Variants in LRCOL1 observed in about 807,000 individuals in gnomAD.
LRCOL1 encodes leucine rich colipase like 1, also known as leucine-rich colipase-like protein 1.
LRCOL1 carries 21 observed loss-of-function variants against 21.6 expected under a neutral mutation model. The observed-to-expected ratio is 0.97, with a 90% CI of 0.69 to 1.40. The LOEUF (loss-of-function observed/expected upper bound fraction) is 1.40. Among genes scored for constraint, LRCOL1 ranks in the 40% most tolerant of loss-of-function variants. The pLI is 0.00. For missense variants in LRCOL1, 198 were observed against 202.3 expected, an observed-to-expected ratio of 0.98 and a Z score of 0.13; for synonymous variants, 98 against 90.1, an observed-to-expected ratio of 1.09 and a Z score of -0.49.
chr12:132,607,923 C>G (rs926476724), intron 1 of LRCOL1, among the ~76,000 whole-genome samples: 1 of 150,754 alleles, frequency 6.6e-6, no homozygotes, highest in Admixed American at 6.6e-5. Context: ...CCGTCTGTCT[C>G]TCTCTGTCTC....
At chr12:132,608,951 CA>C (rs1299697562) in intron 1 of LRCOL1, among the ~76,000 whole-genome samples, 2 of 152,194 alleles carry the variant, frequency 1.3e-5, no homozygotes, top group African/African-American at 2.4e-5. Context: ...AGCCCAGGAA[CA>C]GGCAGCTGCC....
Position 132,604,730 on chromosome 12 carries a change from G to A in LRCOL1, c.207C>T (p.Phe69=). The change falls in exon 3 of 6, where the codon TTC becomes TTT. Residue 69 remains phenylalanine, a synonymous_variant. Transcript: ENST00000376608. ...PHTLCTPKTI[F]LQCLPWRKPN... ...CCTTCCTCCAGGGCAGGCACTGCAGGAAGATGGTCTTAGGGGTGCAGAGCG... is the reference window on the plus strand; with the variant it reads ...CCTTCCTCCAGGGCAGGCACTGCAGAAAGATGGTCTTAGGGGTGCAGAGCG... The A allele has an allele frequency of 1.3e-6, 2 of 1,536,230 alleles. No individual in the cohort carries two copies. Among genetic ancestry groups the A allele is most frequent in the Non-Finnish European group, 1.7e-6 (2 of 1,146,924 alleles).
In LRCOL1 at chr12:132,604,690, C is replaced by T. The variant is rs978069217; in HGVS notation, c.231+16G>A. On this transcript the variant is annotated intron_variant, in intron 3 of 5. Coordinates refer to ENST00000376608, the MANE Select transcript of LRCOL1 (RefSeq NM_001195520.2). ...GCAGTCTCGCTCCTCCACCCCCGCC[C>T]CTGCACGCACCTCACCTTCCTCCAG... 2 of 1,534,110 alleles carry T rather than the reference C, an allele frequency of 1.3e-6. No homozygotes were observed. The highest frequency in any genetic ancestry group is 1.7e-6 in the Non-Finnish European group (2 of 1,145,768).
At chr12:132,605,613 C>T (rs1449381956) in intron 2 of LRCOL1, among the ~76,000 whole-genome samples, 1 of 152,064 alleles carries the variant, frequency 6.6e-6, no homozygotes, top group Non-Finnish European at 1.5e-5. Context: ...CCTGTAATCC[C>T]AGCTACTCGG....
At chr12:132,609,746 C>T (rs2041351877) in intron 1 of LRCOL1, among the ~76,000 whole-genome samples, 1 of 152,148 alleles carries the variant, frequency 6.6e-6, no homozygotes, top group African/African-American at 2.4e-5. Flanking sequence ...TATTTTACCA[C>T]AATAAAAGCA....
At chr12:132,604,066 G>C in intron 5 of LRCOL1, 188 bp downstream of exon 5, 3 of 1,418,660 alleles carry the variant, frequency 2.1e-6, no homozygotes, top group Non-Finnish European at 2.8e-6. Context: ...GCCAGCCCAG[G>C]AGCCTTCTCT....
intron 1 of LRCOL1, among the ~76,000 whole-genome samples, chr12:132,608,018 T>C (rs985485714): frequency 3.3e-5 from 5 of 152,172 alleles, no homozygotes; most frequent in African/African-American, 1.2e-4. Context: ...TCTCTCTGTC[T>C]CTGTCTCTCT....
At position 132,606,040 on chromosome 12, in the gene LRCOL1, A is replaced by C. The variant is rs1316469350; in HGVS notation, c.105+107T>G. 9.8e-7 allele frequency: 1 copy of C among 1,018,298 alleles called. No individual in the cohort carries two copies. Among genetic ancestry groups the C allele is most frequent in the Non-Finnish European group, 1.4e-6 (1 of 699,008 alleles). 63.1% of individuals were successfully genotyped at this position (1,018,298 alleles called of 1,614,324 possible). A position where few individuals can be genotyped will look rare whatever the true frequency, so the allele number is the denominator to read the frequency against. Reference sequence around the variant, plus strand: ...TCCCTTTGAGACCCTCCTGACGGAAAGTGGCAGCCCTCGCGGGTGGGGACT... The same window carrying C: ...TCCCTTTGAGACCCTCCTGACGGAACGTGGCAGCCCTCGCGGGTGGGGACT... On this transcript the variant is annotated intron_variant, in intron 2 of 5. Transcript: ENST00000376608. The surrounding 1 kb of genome is among the most constrained non-coding windows in gnomAD (Gnocchi z 4.6).
chr12:132,608,157 G>A (rs2041336474), intron 1 of LRCOL1, among the ~76,000 whole-genome samples: 1 of 152,234 alleles, frequency 6.6e-6, no homozygotes, highest in South Asian at 2.1e-4. Context: ...AGCCGCAGCA[G>A]ATCAGGACTC....
rs2041314195 is a variant in LRCOL1 at position 132,606,695 on chromosome 12, C to T, written c.-13-431G>A. Among the ~76,000 whole-genome samples the T allele has an allele frequency of 2.6e-5, 4 of 152,048 alleles. No individual in the cohort carries two copies. Among genetic ancestry groups the T allele is most frequent in the Admixed American group, 1.3e-4 (2 of 15,262 alleles). On this transcript the variant is annotated intron_variant, in intron 1 of 5. Coordinates refer to ENST00000376608, the MANE Select transcript of LRCOL1 (RefSeq NM_001195520.2). This position sits in a 1 kb window ranked among gnomAD's most constrained non-coding sequence, Gnocchi z 4.6. The stretch of plus-strand genomic sequence containing the variant: ...TAAACATCCCCGTGCCCCGTCTATT[C>T]GCTCCTCCCTCCCCAGCTGCTGACA...
intron 1 of LRCOL1, among the ~76,000 whole-genome samples, chr12:132,607,189 T>A (rs966928397): frequency 2.0e-5 from 3 of 151,994 alleles, no homozygotes; most frequent in African/African-American, 7.2e-5. Flanking sequence ...CAGTACAGGG[T>A]GGATGACAGG....
At chr12:132,609,944 C>A (rs2041353174) in intron 1 of LRCOL1, among the ~76,000 whole-genome samples, 1 of 152,222 alleles carries the variant, frequency 6.6e-6, no homozygotes, top group Non-Finnish European at 1.5e-5. Context: ...TATAGTAGTT[C>A]AATCAGCTAA....
chr12:132,606,236 A>AC lies in LRCOL1; in HGVS notation c.15dup (p.Trp6ValfsTer30), dbSNP rs1360693932. 6.5e-7 allele frequency: 1 copy of AC among 1,536,092 alleles called. No individual in the cohort carries two copies. ...AGCAGCAGCAGTAGCAGCAGCGTCC[A>AC]CCCCGGGCCGGCCATCGGGTGTGTG... On this transcript the variant is annotated frameshift_variant, in exon 2 of 6. Transcript: ENST00000376608. LOFTEE classifies it high-confidence loss of function. The surrounding 1 kb of genome is among the most constrained non-coding windows in gnomAD (Gnocchi z 4.6).
At position 132,604,801 on chromosome 12, in the gene LRCOL1, C is replaced by G; in HGVS notation, c.136G>C (p.Glu46Gln). Reference sequence around the variant, plus strand: ...ATGGTACAGCAGTTGCTCTGGCACTCCTCGTGTCTCCTGCATGGCTCCCCG... The same window carrying G: ...ATGGTACAGCAGTTGCTCTGGCACTGCTCGTGTCTCCTGCATGGCTCCCCG... Reference protein sequence around the residue: ...GIGEPCRRHEECQSNCCTINS... With the variant: ...GIGEPCRRHEQCQSNCCTINS... The change falls in exon 3 of 6, where the codon GAG becomes CAG. Residue 46 changes from glutamate (E) to glutamine (Q), a missense_variant. Coordinates refer to ENST00000376608, the MANE Select transcript of LRCOL1 (RefSeq NM_001195520.2). 6.5e-7 allele frequency: 1 copy of G among 1,536,130 alleles called. No individual in the cohort carries two copies. Among genetic ancestry groups the G allele is most frequent in the Non-Finnish European group, 8.7e-7 (1 of 1,146,884 alleles).
chr12:132,605,102 GGTGAA>G, intron 2 of LRCOL1: 1 of 1,266,764 alleles, frequency 7.9e-7, no homozygotes, highest in South Asian at 1.8e-5. Context: ...GCAGAGCATG[GGTGAA>G]GCTCTCAGGC....
At position 132,604,533 on chromosome 12, in the gene LRCOL1, C is replaced by G; in HGVS notation, c.283G>C (p.Val95Leu). Residue 95 changes from valine to leucine, a missense_variant, in exon 4 of 6, where the codon GTC becomes CTC. Transcript: ENST00000376608. ...AACTCCTGCGGGCTGTTGTTGCGGA[C>G]GCAGCAGCTGCTCTGGCACTCTGAG... ...HDSECQSSCC[V>L]RNNSPQELCT... is the part of the protein sequence containing the mutation. The G allele has an allele frequency of 2.0e-6, 3 of 1,536,132 alleles. No individual in the cohort carries two copies. Among genetic ancestry groups the G allele is most frequent in the Admixed American group, 3.9e-5 (2 of 51,000 alleles).
At position 132,606,080 on chromosome 12, in the gene LRCOL1, G is replaced by T; in HGVS notation, c.105+67C>A. The T allele has an allele frequency of 6.8e-7, 1 of 1,480,874 alleles. No homozygotes were observed. Among genetic ancestry groups the T allele is most frequent in the Non-Finnish European group, 9.1e-7 (1 of 1,098,978 alleles). The allele number at this position is 1,480,874 out of a possible 1,614,324, so 91.7% of individuals were successfully genotyped here. A position where few individuals can be genotyped will look rare whatever the true frequency, so the allele number is the denominator to read the frequency against. On this transcript the variant is annotated intron_variant, in intron 2 of 5. Transcript: ENST00000376608. The surrounding 1 kb of genome is among the most constrained non-coding windows in gnomAD (Gnocchi z 4.6). Reference sequence around the variant, plus strand: ...GGGTGGGGACTGCAAGGGCCTCAGGGGCGCCCGGCACCCACCTTATGGCGC... The same window carrying T: ...GGGTGGGGACTGCAAGGGCCTCAGGTGCGCCCGGCACCCACCTTATGGCGC...
intron 2 of LRCOL1, chr12:132,605,131 G>A: frequency 1.7e-6 from 2 of 1,180,158 alleles, no homozygotes; most frequent in South Asian, 4.4e-5. Context: ...CCCAGTGCCT[G>A]GCATTTTACA....
rs553286004 is a variant in LRCOL1 at position 132,606,930 on chromosome 12, G to T, written c.-13-666C>A. ...CACATCGAGGCAAAACGTGAAAAAT[G>T]GATTTTGAAGAAGACTTTTCCCAGC... On this transcript the variant is annotated intron_variant, in intron 1 of 5. Coordinates refer to ENST00000376608, the MANE Select transcript of LRCOL1 (RefSeq NM_001195520.2). The surrounding 1 kb of genome is among the most constrained non-coding windows in gnomAD (Gnocchi z 4.6). Among the ~76,000 whole-genome samples, 67 of 148,856 alleles carry T rather than the reference G, an allele frequency of 4.5e-4. No individual in the cohort carries two copies. Among genetic ancestry groups the T allele is most frequent in the Admixed American group, 1.9e-3 (28 of 15,010 alleles).
Sources: allele counts gnomAD v4.1 joint callset (sites outside exome capture counted in the v4.1 genomes callset), GRCh38; gene constraint gnomAD v4.1.1; non-coding constraint Gnocchi (gnomAD v3.1); transcripts MANE v1.5; gene names NCBI Gene and HGNC (gene_info 2026-07-23, HGNC 2026-07-21).